The following ZNF248 variants were observed in gnomAD, a reference collection of about 807,000 sequenced individuals.
ZNF248 encodes KRAB protein domain.
In ZNF248, 20 loss-of-function variants were observed where a neutral mutation model predicts 44.3. That is an observed-to-expected ratio of 0.45 (90% CI 0.32 to 0.66). The LOEUF (loss-of-function observed/expected upper bound fraction) is 0.66, where lower values mean the gene tolerates loss of function less well. Ranked by LOEUF, ZNF248 falls within the 30% of genes least tolerant of loss-of-function variation. ZNF248 has a pLI of 0.04. For synonymous variants in ZNF248, 224 were observed against 229.0 expected (o/e 0.98, Z 0.20); for missense variants, 654 against 677.0 (o/e 0.97, Z 0.38).
intron 6 of ZNF248, among the ~76,000 whole-genome samples, chr10:37,809,698 T>C (rs1381470566): frequency 6.6e-6 from 1 of 152,214 alleles, no homozygotes; most frequent in Non-Finnish European, 1.5e-5. Context: ...CAACTTTTGC[T>C]GCATCCCATA....
chr10:37,838,008 T>A lies in ZNF248; in HGVS notation c.119A>T (p.Asn40Ile), dbSNP rs768657765. ...KILYRDVILE[N>I]YSNLVSVGYC... ...ACCTACTGAGACAAGATTGCTATAA[T>A]TTTCCAGGATCACATCTCTGTATAG... is the stretch of plus-strand genomic sequence containing the variant. Residue 40 changes from asparagine (N) to isoleucine (I), a missense_variant, in exon 4 of 6, where the codon AAT becomes ATT. Physicochemically the swap from Asn to Ile is moderately radical, Grantham distance 149. Coordinates refer to ENST00000395867, the MANE Select transcript of ZNF248 (RefSeq NM_021045.3). The A allele has an allele frequency of 6.2e-7, 1 of 1,613,654 alleles. No individual in the cohort carries two copies. The highest frequency in any genetic ancestry group is 8.5e-7 in the Non-Finnish European group (1 of 1,179,696).
chr10:37,806,641 T>C (rs2050606480), intron 6 of ZNF248, among the ~76,000 whole-genome samples: 1 of 152,182 alleles, frequency 6.6e-6, no homozygotes, highest in African/African-American at 2.4e-5. Flanking sequence ...TGAATATTAA[T>C]CTCTTATCAA....
At chr10:37,811,681 A>ATAT (rs550836308) in intron 6 of ZNF248, among the ~76,000 whole-genome samples, 3 of 141,904 alleles carry the variant, frequency 2.1e-5, no homozygotes, top group African/African-American at 5.2e-5. Context: ...CAAAAAAAAA[A>ATAT]ATATATATAT....
intron 6 of ZNF248, chr10:37,795,972 C>A (rs1709115390): frequency 6.6e-6 from 1 of 152,032 alleles, no homozygotes; most frequent in African/African-American, 2.4e-5. Flanking sequence ...GAAAATTAAT[C>A]ACATCTGGTG....
At chr10:37,819,987 C>T (rs761193306) in intron 6 of ZNF248, 1 of 771,970 alleles carries the variant, frequency 1.3e-6, no homozygotes, top group Non-Finnish European at 2.4e-6. Context: ...CTTGCATGCT[C>T]TTATCTCTAC....
At chr10:37,819,063 T>C (rs2053038321) in intron 6 of ZNF248, 19 of 799,096 alleles carry the variant, frequency 2.4e-5, no homozygotes, top group Admixed American at 5.2e-5. Context: ...TCATCATCCA[T>C]GATCTTCGAA....
At chr10:37,856,798 T>A in intron 1 of ZNF248, 1 of 890,126 alleles carries the variant, frequency 1.1e-6, no homozygotes, top group Non-Finnish European at 1.3e-6. Context: ...AAGGATCTTT[T>A]AATGAGAAAC....
At chr10:37,827,031 A>C (rs2054486110), downstream of ZNF248, among the ~76,000 whole-genome samples, 2 of 152,234 alleles carry the variant, frequency 1.3e-5, no homozygotes, top group African/African-American at 2.4e-5. Context: ...ATGCCAAAGA[A>C]GACTTATTCT....
downstream of ZNF248, among the ~76,000 whole-genome samples, chr10:37,823,923 A>G (rs2053921334): frequency 6.6e-6 from 1 of 152,092 alleles, no homozygotes; most frequent in South Asian, 2.1e-4. Context: ...TAGAGTCTGA[A>G]AAAAAATATG....
intron 6 of ZNF248, among the ~76,000 whole-genome samples, chr10:37,808,278 C>CTTTTTTTTT (rs796239232): frequency 1.5e-5 from 2 of 137,604 alleles, no homozygotes; most frequent in Non-Finnish European, 1.6e-5. Flanking sequence ...AACCTTTTTT[C>CTTTTTTTTT]TTTTTTTTTT....
At chr10:37,767,812 T>C in the ZNF248 span, among the ~76,000 whole-genome samples, 3 of 152,196 alleles carry the variant, frequency 2.0e-5, no homozygotes, top group African/African-American at 7.2e-5. Context: ...AATGCTCCAA[T>C]TAAAAGACAC....
the ZNF248 span, among the ~76,000 whole-genome samples, chr10:37,759,247 C>T: frequency 6.6e-6 from 1 of 152,162 alleles, no homozygotes; most frequent in Non-Finnish European, 1.5e-5. Flanking sequence ...TGTTTGGGGG[C>T]AGTCTGAGCC....
chr10:37,812,870 C>T (rs200905), intron 6 of ZNF248, among the ~76,000 whole-genome samples: 3 of 152,036 alleles, frequency 2.0e-5, no homozygotes, highest in Admixed American at 6.5e-5. Context: ...CTGAAGATGG[C>T]GTGACTGTTA....
rs71007668 is a variant in ZNF248 at position 37,815,991 on chromosome 10, GAAAA to G, written c.330+17030_330+17033del. 9.2e-5 allele frequency among the ~76,000 whole-genome samples: 12 copies of G among 130,142 alleles called. 1 individual carries two copies. The Admixed American group carries it at 9.3e-4, about 10-fold the overall frequency. 85.4% of individuals were successfully genotyped at this position (130,142 alleles called of 152,430 possible). A position where few individuals can be genotyped will look rare whatever the true frequency, so the allele number is the denominator to read the frequency against. Reference sequence around the variant, plus strand: ...CCTTACATTTCTGGTTCCGATAATGGAAAAAAAAAAAAAAAGAGAGAGAGAGAGA... The same window carrying G: ...CCTTACATTTCTGGTTCCGATAATGGAAAAAAAAAAAGAGAGAGAGAGAGA... On this transcript the variant is annotated intron_variant, in intron 6 of 6. Transcript: ENST00000615949.
chr10:37,827,861 A>T (rs540828747), downstream of ZNF248, among the ~76,000 whole-genome samples: 1 of 152,290 alleles, frequency 6.6e-6, no homozygotes, highest in East Asian at 1.9e-4. Flanking sequence ...GTGTGAAGTG[A>T]CAGGGCCCAC....
In ZNF248 at chr10:37,838,103, C is replaced by A; in HGVS notation, c.24G>T (p.Val8=). Reference sequence around the variant, plus strand: ...AGTCCACACATACATCCTTGAATGACACTTGTTCCTGTAATAGTATACTCT... The same window carrying A: ...AGTCCACACATACATCCTTGAATGAAACTTGTTCCTGTAATAGTATACTCT... MNKSQEQ[V]SFKDVCVDFT... Residue 8 remains valine (V), a synonymous_variant, in exon 4 of 6, where the codon GTG becomes GTT. Coordinates refer to ENST00000395867, the MANE Select transcript of ZNF248 (RefSeq NM_021045.3). 1.2e-6 allele frequency: 2 copies of A among 1,612,284 alleles called. No homozygotes were observed. The highest frequency in any genetic ancestry group is 1.7e-6 in the Non-Finnish European group (2 of 1,178,962).
At chr10:37,798,532 C>A (rs2049413865) in intron 6 of ZNF248, among the ~76,000 whole-genome samples, 1 of 151,966 alleles carries the variant, frequency 6.6e-6, no homozygotes, top group African/African-American at 2.4e-5. Context: ...AATTAAAGGA[C>A]AAGGTATATA....
At chr10:37,775,341 C>T (rs2046506811), downstream of ZNF248, 1 of 152,076 alleles carries the variant, frequency 6.6e-6, no homozygotes, top group African/African-American at 2.4e-5. Context: ...ATAAACAACT[C>T]ACCTGGCATT....
chr10:37,802,001 C>A (rs144243200), intron 6 of ZNF248, among the ~76,000 whole-genome samples: 2 of 152,220 alleles, frequency 1.3e-5, no homozygotes, highest in African/African-American at 2.4e-5. Flanking sequence ...TGAGAAAGAT[C>A]AAAAATCTGC....
Sources: gnomAD v4.1 joint callset for allele counts (sites outside exome capture counted in the v4.1 genomes callset) on GRCh38, gnomAD v4.1.1 for gene constraint, MANE v1.5 for transcripts, NCBI Gene and HGNC (gene_info 2026-07-23, HGNC 2026-07-21) for gene names.